The following PACSIN2 variants were observed in gnomAD, a reference collection of about 807,000 sequenced individuals.
The protein encoded by PACSIN2 is protein kinase C and casein kinase substrate in neurons 2, also known as protein kinase C and casein kinase substrate in neurons protein 2.
In PACSIN2, 25 loss-of-function variants were observed where a neutral mutation model predicts 63.8. That is an observed-to-expected ratio of 0.39 (90% confidence interval 0.29 to 0.55). PACSIN2 has a LOEUF of 0.55. Among genes scored for constraint, PACSIN2 ranks in the 20% least tolerant of loss-of-function variants. PACSIN2 has a pLI of 0.62. For synonymous variants in PACSIN2, 255 were observed against 256.2 expected (o/e 1.00, Z 0.05); for missense variants, 518 against 646.9 (o/e 0.80, Z 2.16).
intron 1 of PACSIN2, among the ~76,000 whole-genome samples, chr22:42,962,775 C>CGGGGCGGGG (rs756766401): frequency 4.9e-4 from 8 of 16,412 alleles, no homozygotes; most frequent in Admixed American, 9.2e-4. Flanking sequence ...AAGGTGTGGG[C>CGGGGCGGGG]GGGGGGGGGG....
chr22:42,946,423 T>C (rs1393051148), intron 1 of PACSIN2, among the ~76,000 whole-genome samples: 1 of 152,164 alleles, frequency 6.6e-6, no homozygotes, highest in Non-Finnish European at 1.5e-5. Flanking sequence ...AGAGCAGCAA[T>C]GTACCACGGG....
chr22:43,005,115 T>C (rs1924010822), intron 1 of PACSIN2, among the ~76,000 whole-genome samples: 1 of 152,250 alleles, frequency 6.6e-6, no homozygotes. Context: ...CTTCCTATAA[T>C]TCTAAAGCCT....
At chr22:42,912,593 A>C (rs571417939) in intron 1 of PACSIN2, among the ~76,000 whole-genome samples, 1 of 152,332 alleles carries the variant, frequency 6.6e-6, no homozygotes, top group East Asian at 1.9e-4. Flanking sequence ...CTGAAGCCAC[A>C]AATTCAGACC....
chr22:42,986,569 A>G (rs906649242), intron 1 of PACSIN2, among the ~76,000 whole-genome samples: 5 of 152,152 alleles, frequency 3.3e-5, no homozygotes, highest in African/African-American at 7.2e-5. Context: ...TGCTGAGTGC[A>G]CATGCATGAC....
In PACSIN2 at chr22:42,993,253, T is replaced by C. The variant is rs552568429; in HGVS notation, c.-78+21768A>G. ...TACATAAAATTTTAGAAAATGCAAA[T>C]GATTCTACAGTGGCAAAGAGTAGAG... On this transcript the variant is annotated intron_variant, in intron 1 of 10. Transcript: ENST00000263246. Among the ~76,000 whole-genome samples the C allele has an allele frequency of 6.7e-4, 102 of 151,462 alleles. 1 individual carries two copies. The highest frequency in any genetic ancestry group is 1.3e-3 in the Non-Finnish European group (89 of 67,930).
rs568428629 is a variant in PACSIN2, at chr22:42,961,002, C to T, written c.-77-48845G>A. Among the ~76,000 whole-genome samples, 5 of 152,306 alleles carry T rather than the reference C, an allele frequency of 3.3e-5. No homozygotes were observed. In the South Asian group the frequency reaches 1.0e-3, roughly 32 times the overall value. ...TGCCCTCCTAGAAGATACACATGCA[C>T]ACTCCCCCATTCCCCTTGGCAAGCC... On this transcript the variant is annotated intron_variant, in intron 1 of 10. Coordinates refer to ENST00000263246, the MANE Select transcript of PACSIN2 (RefSeq NM_001184970.3).
chr22:42,877,058 G>T, intron 8 of PACSIN2, 48 bp from the exon 9 acceptor site: 2 of 1,605,550 alleles, frequency 1.2e-6, no homozygotes, highest in South Asian at 1.1e-5. Flanking sequence ...GCAGGGGCCC[G>T]TGAGGGTCCT....
At chr22:42,951,129 T>C (rs1229500411) in intron 1 of PACSIN2, among the ~76,000 whole-genome samples, 1 of 152,166 alleles carries the variant, frequency 6.6e-6, no homozygotes, top group Non-Finnish European at 1.5e-5. Flanking sequence ...TTGAGTTGCT[T>C]TTGAAAATTC....
chr22:42,938,645 T>G (rs896125859), intron 1 of PACSIN2, among the ~76,000 whole-genome samples: 8 of 152,176 alleles, frequency 5.3e-5, no homozygotes, highest in Non-Finnish European at 1.0e-4. Context: ...GGTTGCACCA[T>G]CTCCCTCTCG....
chr22:43,008,208 T>C (rs1221253781), intron 1 of PACSIN2, among the ~76,000 whole-genome samples: 1 of 152,144 alleles, frequency 6.6e-6, no homozygotes, highest in African/African-American at 2.4e-5. Flanking sequence ...ATTATTTTCA[T>C]CAGAAATAAG....
chr22:42,891,217 G>T, intron 3 of PACSIN2, 35 bp from the exon 4 acceptor site: 1 of 1,461,068 alleles, frequency 6.8e-7, no homozygotes, highest in Non-Finnish European at 9.6e-7. Flanking sequence ...GTCACTCAGC[G>T]CCGGCCATGG....
At chr22:43,011,229 G>A (rs559816802) in intron 1 of PACSIN2, among the ~76,000 whole-genome samples, 1 of 152,288 alleles carries the variant, frequency 6.6e-6, no homozygotes, top group East Asian at 1.9e-4. Context: ...TCGTAACTAA[G>A]GCATTGCTGC....
Position 42,871,128 on chromosome 22 carries a change from G to A in PACSIN2, c.*229C>T, listed in dbSNP as rs370886049. The stretch of plus-strand genomic sequence containing the variant: ...ACAGGCACAGTGGGCGGGGAGGGGC[G>A]GCTATTTCTGTTGTTCTGCGTCTTC... On this transcript the variant is annotated 3_prime_UTR_variant, in exon 11 of 11. Transcript: ENST00000263246. The surrounding 1 kb of genome is among the most constrained non-coding windows in gnomAD (Gnocchi z 5.4). 4.2e-5 allele frequency: 24 copies of A among 569,480 alleles called. No homozygotes were observed. The highest frequency in any genetic ancestry group is 3.1e-4 in the South Asian group (15 of 48,560). 35.3% of individuals were successfully genotyped at this position (569,480 alleles called of 1,614,324 possible).
At chr22:43,008,841 C>T (rs1924267251) in intron 1 of PACSIN2, among the ~76,000 whole-genome samples, 1 of 152,224 alleles carries the variant, frequency 6.6e-6, no homozygotes, top group Non-Finnish European at 1.5e-5. Context: ...ACATTTATTT[C>T]ACAACTTTCT....
At chr22:42,979,668 C>T (rs901949150) in intron 1 of PACSIN2, among the ~76,000 whole-genome samples, 1 of 152,196 alleles carries the variant, frequency 6.6e-6, no homozygotes, top group Non-Finnish European at 1.5e-5. Context: ...TGGCTCCTTC[C>T]TCCTGGGAGT....
At chr22:42,969,467 T>C (rs138892732) in intron 1 of PACSIN2, among the ~76,000 whole-genome samples, 7 of 152,334 alleles carry the variant, frequency 4.6e-5, no homozygotes, top group Middle Eastern at 6.8e-3. Context: ...ATGCAAGTTT[T>C]TCTTCTTATG....
intron 1 of PACSIN2, among the ~76,000 whole-genome samples, chr22:42,941,810 TCTGTCACC>T (rs1440602311): frequency 2.6e-5 from 4 of 152,188 alleles, no homozygotes; most frequent in Non-Finnish European, 5.9e-5. Flanking sequence ...ACTCTGTCAC[TCTGTCACC>T]CAGGCTGGAG....
chr22:42,959,372 T>C (rs537716777), intron 1 of PACSIN2, among the ~76,000 whole-genome samples: 10 of 152,332 alleles, frequency 6.6e-5, no homozygotes, highest in South Asian at 2.1e-4. Context: ...AAGTAACTCA[T>C]TTAGCTACTC....
intron 1 of PACSIN2, among the ~76,000 whole-genome samples, chr22:42,930,448 C>T (rs531652314): frequency 1.3e-5 from 2 of 152,282 alleles, no homozygotes; most frequent in Admixed American, 6.5e-5. Flanking sequence ...GAGCCTAGCA[C>T]AGATGAGGCA....
Sources: allele counts gnomAD v4.1 joint callset (sites outside exome capture counted in the v4.1 genomes callset), GRCh38; gene constraint gnomAD v4.1.1; non-coding constraint Gnocchi (gnomAD v3.1); transcripts MANE v1.5; gene names NCBI Gene and HGNC (gene_info 2026-07-23, HGNC 2026-07-21).